The following FRMD4A variants were observed in gnomAD, a reference collection of about 807,000 sequenced individuals.
FRMD4A encodes the protein FERM domain-containing protein 4A.
A neutral mutation model predicts 129.1 loss-of-function variants in FRMD4A; 29 were observed. The ratio of observed to expected loss-of-function variants is 0.22; its 90% CI spans 0.17 to 0.31. The LOEUF (loss-of-function observed/expected upper bound fraction) is 0.31. FRMD4A is among the 10% of genes least tolerant of loss of function. FRMD4A has a pLI of 1.00. For synonymous variants in FRMD4A, 634 were observed against 571.6 expected, an observed-to-expected ratio of 1.11 and a Z score of -1.56; for missense variants, 1,272 against 1,375.8, an observed-to-expected ratio of 0.92 and a Z score of 1.19.
chr10:14,160,227 C>T (rs1239703610), intron 2 of FRMD4A, among the ~76,000 whole-genome samples: 1 of 152,154 alleles, frequency 6.6e-6, no homozygotes, highest in Non-Finnish European at 1.5e-5. Context: ...CGAACATCCT[C>T]TTTAATAAAT....
At chr10:14,239,928 G>T (rs750804056) in intron 2 of FRMD4A, among the ~76,000 whole-genome samples, 2 of 152,218 alleles carry the variant, frequency 1.3e-5, no homozygotes, top group Non-Finnish European at 2.9e-5. Context: ...TGGAATTGAT[G>T]TAACACCTTT....
intron 2 of FRMD4A, among the ~76,000 whole-genome samples, chr10:13,900,182 T>C (rs550757457): frequency 1.3e-5 from 2 of 152,352 alleles, no homozygotes; most frequent in African/African-American, 2.4e-5. Flanking sequence ...TCTCCTGTCA[T>C]GTGTGGCCTG....
intron 2 of FRMD4A, among the ~76,000 whole-genome samples, chr10:14,155,953 T>C (rs1194901293): frequency 6.6e-6 from 1 of 152,180 alleles, no homozygotes; most frequent in East Asian, 1.9e-4. Flanking sequence ...GAACATATTT[T>C]AATGGTCACC....
intron 2 of FRMD4A, among the ~76,000 whole-genome samples, chr10:14,246,413 A>G (rs1844240187): frequency 1.3e-5 from 2 of 152,050 alleles, no homozygotes; most frequent in Non-Finnish European, 2.9e-5. Flanking sequence ...ACACAAGTGC[A>G]CGCATACACA....
intron 2 of FRMD4A, among the ~76,000 whole-genome samples, chr10:14,199,853 A>T (rs1564382011): frequency 7.1e-6 from 1 of 140,500 alleles, no homozygotes; most frequent in African/African-American, 2.5e-5. Flanking sequence ...TTTAAGAAAG[A>T]CATGAATAAT....
In FRMD4A at chr10:13,712,619, G is replaced by T. The variant is rs2088140090; in HGVS notation, c.760-5506C>A. Among the ~76,000 whole-genome samples the T allele has an allele frequency of 2.0e-5, 3 of 152,120 alleles. No individual in the cohort carries two copies. In the East Asian group the frequency reaches 5.8e-4, roughly 29 times the overall value. ...CAAGTAGTGGCTTCCTTGAGACTAT[G>T]TCTGTCCCTGTTGTTGGGACTGGCT... is the stretch of plus-strand genomic sequence containing the variant. On this transcript the variant is annotated intron_variant, in intron 12 of 24. Transcript: ENST00000357447.
intron 2 of FRMD4A, among the ~76,000 whole-genome samples, chr10:14,126,080 C>G (rs748102800): frequency 1.3e-5 from 2 of 151,816 alleles, no homozygotes; most frequent in African/African-American, 2.4e-5. Flanking sequence ...TCCAACCATA[C>G]AATTGTCCAA....
intron 2 of FRMD4A, among the ~76,000 whole-genome samples, chr10:14,209,990 AGAAG>A (rs1384634656): frequency 6.6e-6 from 1 of 152,200 alleles, no homozygotes; most frequent in Non-Finnish European, 1.5e-5. Flanking sequence ...TGACAAAGAG[AGAAG>A]GAAGGATTCC....
chr10:14,292,226 G>T (rs758254776), intron 2 of FRMD4A, among the ~76,000 whole-genome samples: 1 of 152,192 alleles, frequency 6.6e-6, no homozygotes, highest in South Asian at 2.1e-4. Context: ...AGGAGGATTC[G>T]TCTTGCAGAT....
At chr10:13,746,549 C>T (rs568036038) in intron 9 of FRMD4A, among the ~76,000 whole-genome samples, 2 of 152,050 alleles carry the variant, frequency 1.3e-5, no homozygotes, top group African/African-American at 4.8e-5. Flanking sequence ...CCCAGACACA[C>T]GAATCAGTGA....
intron 2 of FRMD4A, among the ~76,000 whole-genome samples, chr10:14,031,843 C>T (rs549624766): frequency 1.3e-5 from 2 of 152,202 alleles, no homozygotes; most frequent in East Asian, 3.9e-4. Flanking sequence ...GAGGAAGAAC[C>T]ACCATCCATT....
intron 2 of FRMD4A, among the ~76,000 whole-genome samples, chr10:14,279,548 TTAC>T (rs1845451499): frequency 6.6e-6 from 1 of 152,104 alleles, no homozygotes; most frequent in Non-Finnish European, 1.5e-5. Flanking sequence ...GAGTCTATAT[TTAC>T]TACTACAATT....
At chr10:13,891,034 T>C (rs1419522889) in intron 2 of FRMD4A, among the ~76,000 whole-genome samples, 1 of 151,992 alleles carries the variant, frequency 6.6e-6, no homozygotes, top group East Asian at 1.9e-4. Context: ...GCACCAACAT[T>C]TGAGCAGCTG....
intron 2 of FRMD4A, among the ~76,000 whole-genome samples, chr10:14,166,065 T>C (rs879838126): frequency 2.0e-5 from 3 of 151,854 alleles, no homozygotes; most frequent in Non-Finnish European, 2.9e-5. Flanking sequence ...ACTATTATAG[T>C]TACTAATAAA....
chr10:14,283,066 G>A (rs1264737288), intron 2 of FRMD4A, among the ~76,000 whole-genome samples: 2 of 152,236 alleles, frequency 1.3e-5, no homozygotes, highest in Non-Finnish European at 2.9e-5. Context: ...TTCAAGGGAG[G>A]TCAGTGTCTC....
intron 2 of FRMD4A, among the ~76,000 whole-genome samples, chr10:14,045,670 ATTTAT>A (rs1295173226): frequency 1.4e-5 from 2 of 146,442 alleles, no homozygotes; most frequent in African/African-American, 5.0e-5. Flanking sequence ...ATTATGTCAT[ATTTAT>A]ATTATATTAT....
intron 4 of FRMD4A, among the ~76,000 whole-genome samples, chr10:13,809,825 C>T (rs886109113): frequency 6.6e-6 from 1 of 152,226 alleles, no homozygotes; most frequent in African/African-American, 2.4e-5. Context: ...TGTTCAGTGT[C>T]TCAATTTGGA....
intron 2 of FRMD4A, chr10:14,007,374 C>G (rs1183404107): frequency 6.6e-6 from 1 of 152,208 alleles, no homozygotes; most frequent in South Asian, 2.1e-4. Context: ...TTTGCATTAA[C>G]TAGAGTCAGC....
intron 5 of FRMD4A, among the ~76,000 whole-genome samples, chr10:13,786,089 C>A (rs1314781397): frequency 6.6e-6 from 1 of 152,140 alleles, no homozygotes; most frequent in Non-Finnish European, 1.5e-5. Context: ...CATACGTGTG[C>A]ATGTGTCTTT....
Sources: gnomAD v4.1 joint callset for allele counts (sites outside exome capture counted in the v4.1 genomes callset) on GRCh38, gnomAD v4.1.1 for gene constraint, MANE v1.5 for transcripts, NCBI Gene and HGNC (gene_info 2026-07-23, HGNC 2026-07-21) for gene names.